The following RAB27A variants were observed in gnomAD, a reference collection of about 807,000 sequenced individuals.
The protein encoded by RAB27A is RAB27A, member RAS oncogene family.
In RAB27A, 17 loss-of-function variants were observed where a neutral mutation model predicts 20.8. The ratio of observed to expected loss-of-function variants is 0.82; its 90% CI spans 0.56 to 1.23. The LOEUF (loss-of-function observed/expected upper bound fraction) is 1.23. Ranked by LOEUF, RAB27A falls within the 50% of genes most tolerant of loss-of-function variation. The probability of loss-of-function intolerance (pLI) is 0.00; values close to 1 mark genes in which losing one functional copy is unlikely to be tolerated. For synonymous variants in RAB27A, 85 were observed against 92.8 expected, an observed-to-expected ratio of 0.92 and a Z score of 0.48; for missense variants, 277 against 266.7, an observed-to-expected ratio of 1.04 and a Z score of -0.27.
intron 2 of RAB27A, among the ~76,000 whole-genome samples, chr15:55,240,327 G>A (rs1896431013): frequency 6.6e-6 from 1 of 152,106 alleles, no homozygotes; most frequent in African/African-American, 2.4e-5. Flanking sequence ...TTGTACTCCA[G>A]CCTACTGAGG....
intron 2 of RAB27A, among the ~76,000 whole-genome samples, chr15:55,297,093 C>T (rs1009322888): frequency 9.2e-5 from 14 of 152,126 alleles, no homozygotes; most frequent in African/African-American, 3.4e-4. Context: ...TTTATCGGTA[C>T]AACAGAGAAG....
intron 1 of RAB27A, chr15:55,289,077 G>T (rs1171048328): frequency 6.6e-6 from 1 of 152,396 alleles, no homozygotes; most frequent in Non-Finnish European, 1.5e-5. Flanking sequence ...CGGAAAGGCT[G>T]GGAAGGCTCC....
intron 5 of RAB27A, 38 bp downstream of exon 5, chr15:55,228,571 G>A: frequency 7.1e-7 from 1 of 1,415,052 alleles, no homozygotes; most frequent in Non-Finnish European, 1.0e-6. Flanking sequence ...AATAAGAGGG[G>A]ACTGTGTAGC....
upstream of RAB27A, among the ~76,000 whole-genome samples, chr15:55,292,041 G>A (rs1258250017): frequency 6.6e-6 from 1 of 152,166 alleles, no homozygotes; most frequent in Non-Finnish European, 1.5e-5. Context: ...AGGCCTGGAA[G>A]CAAAAGATAG....
intron 2 of RAB27A, among the ~76,000 whole-genome samples, chr15:55,247,249 A>G (rs1896722616): frequency 6.6e-6 from 1 of 152,172 alleles, no homozygotes; most frequent in East Asian, 1.9e-4. Context: ...AAGAGGTAAA[A>G]TGAAAAGCTT....
chr15:55,304,044 T>C lies in RAB27A; in HGVS notation c.-112+9995A>G, dbSNP rs541608039. Reference sequence around the variant, plus strand: ...AAGGCGGGAAAGGTGGGGAAGAGATTGAGAAATCGGATGGTTGCCGTGTCT... The same window carrying C: ...AAGGCGGGAAAGGTGGGGAAGAGATCGAGAAATCGGATGGTTGCCGTGTCT... On this transcript the variant is annotated intron_variant, in intron 2 of 5. Coordinates refer to the RAB27A transcript ENST00000563262. 4.6e-3 allele frequency among the ~76,000 whole-genome samples: 702 copies of C among 152,118 alleles called. 6 individuals are homozygous for C. Among genetic ancestry groups the C allele is most frequent in the Non-Finnish European group, 7.5e-3 (511 of 67,998 alleles).
chr15:55,303,662 G>A (rs1258202480), intron 2 of RAB27A, among the ~76,000 whole-genome samples: 1 of 120,492 alleles, frequency 8.3e-6, no homozygotes, highest in Non-Finnish European at 1.8e-5. Flanking sequence ...GGGAGGTGGG[G>A]GGGGTCAGCC....
intron 6 of RAB27A, among the ~76,000 whole-genome samples, chr15:55,210,510 C>A (rs1308579987): frequency 1.3e-5 from 2 of 150,994 alleles, no homozygotes; most frequent in African/African-American, 2.4e-5. Context: ...TTTGATTTGC[C>A]TTTCTCTGAG....
chr15:55,208,426 A>G (rs1233441637), intron 6 of RAB27A, among the ~76,000 whole-genome samples: 2 of 152,184 alleles, frequency 1.3e-5, no homozygotes, highest in Non-Finnish European at 2.9e-5. Context: ...ACAGAACTAG[A>G]GAGTTTCCAG....
chr15:55,238,026 G>T (rs1896330246), intron 2 of RAB27A: 2 of 152,000 alleles, frequency 1.3e-5, no homozygotes, highest in Admixed American at 6.6e-5. Context: ...ATTCACAATA[G>T]CAATACTGAC....
intron 6 of RAB27A, among the ~76,000 whole-genome samples, chr15:55,221,456 A>T (rs1895565116): frequency 6.6e-6 from 1 of 152,102 alleles, no homozygotes; most frequent in South Asian, 2.1e-4. Context: ...ACTACGTTAC[A>T]TGAGTGCCTC....
chr15:55,250,766 C>T (rs1896859429), intron 2 of RAB27A, among the ~76,000 whole-genome samples: 1 of 152,242 alleles, frequency 6.6e-6, no homozygotes, highest in African/African-American at 2.4e-5. Flanking sequence ...AGTGTCTTCA[C>T]AGTCAGTTCC....
At position 55,247,845 on chromosome 15, in the gene RAB27A, CAT is replaced by C. The variant is rs548793262; in HGVS notation, c.-22-12891_-22-12890del. On this transcript the variant is annotated intron_variant, in intron 2 of 6. Coordinates refer to ENST00000336787, the MANE Select transcript of RAB27A (RefSeq NM_183235.3). ...GAATATGAGTACCATCAATTTGACA[CAT>C]AGATACTTACAAAGACTACTAAGAG... 3.9e-3 allele frequency among the ~76,000 whole-genome samples: 587 copies of C among 151,946 alleles called. 2 individuals are homozygous for C. Among genetic ancestry groups the C allele is most frequent in the African/African-American group, 0.014 (564 of 41,452 alleles).
In RAB27A at chr15:55,240,804, T is replaced by C. The variant is rs566175949; in HGVS notation, c.-22-5848A>G. Among the ~76,000 whole-genome samples, 605 of 152,336 alleles carry C rather than the reference T, an allele frequency of 4.0e-3. 4 individuals are homozygous for C. Among genetic ancestry groups the C allele is most frequent in the Non-Finnish European group, 7.0e-3 (478 of 68,022 alleles). ...AACTTCTTTAAAATTGGGGTGCATCTTACATTTCAGTCTTACAATCCAAGA... is the reference window on the plus strand; with the variant it reads ...AACTTCTTTAAAATTGGGGTGCATCCTACATTTCAGTCTTACAATCCAAGA... On this transcript the variant is annotated intron_variant, in intron 2 of 6. Transcript: ENST00000336787.
chr15:55,256,290 A>G (rs1897076621), intron 2 of RAB27A, among the ~76,000 whole-genome samples: 1 of 152,100 alleles, frequency 6.6e-6, no homozygotes, highest in African/African-American at 2.4e-5. Context: ...GGCCTGTGCC[A>G]GTAGTCCCGG....
At chr15:55,284,713 A>G (rs957258777) in intron 1 of RAB27A, among the ~76,000 whole-genome samples, 1 of 152,162 alleles carries the variant, frequency 6.6e-6, no homozygotes, top group Non-Finnish European at 1.5e-5. Flanking sequence ...CTTCTTCATG[A>G]CCTCTTAAGG....
At chr15:55,294,567 A>G (rs975904380), upstream of RAB27A, among the ~76,000 whole-genome samples, 37 of 149,006 alleles carry the variant, frequency 2.5e-4, no homozygotes, top group African/African-American at 8.7e-4. Flanking sequence ...CAGCCTGGGC[A>G]ACAGAACAAA....
intron 1 of RAB27A, among the ~76,000 whole-genome samples, chr15:55,274,992 T>G (rs1010033708): frequency 4.0e-5 from 6 of 151,788 alleles, no homozygotes; most frequent in African/African-American, 1.5e-4. Flanking sequence ...GGCTCACGCC[T>G]GTAATCCCAG....
chr15:55,303,045 C>G (rs1488396810), intron 2 of RAB27A, among the ~76,000 whole-genome samples: 9 of 146,334 alleles, frequency 6.2e-5, no homozygotes, highest in Admixed American at 4.7e-4. Context: ...GGGGATCAGC[C>G]CCCCCGCCCG....
Sources: allele counts gnomAD v4.1 joint callset (sites outside exome capture counted in the v4.1 genomes callset), GRCh38; gene constraint gnomAD v4.1.1; transcripts MANE v1.5; gene names NCBI Gene and HGNC (gene_info 2026-07-23, HGNC 2026-07-21).